The following INPP4A variants were observed in gnomAD, a reference collection of about 807,000 sequenced individuals.
INPP4A encodes the protein inositol polyphosphate-4-phosphatase, type I, 107kD.
INPP4A carries 33 observed loss-of-function variants against 119.8 expected under a neutral mutation model. The observed-to-expected ratio is 0.28, with a 90% CI of 0.21 to 0.37. The LOEUF (loss-of-function observed/expected upper bound fraction) is 0.37. Among genes scored for constraint, INPP4A ranks in the 10% least tolerant of loss-of-function variants. The pLI, the probability that INPP4A is intolerant of heterozygous loss-of-function variation, is 1.00. For synonymous variants in INPP4A, 496 were observed against 500.7 expected (o/e 0.99, Z 0.12); for missense variants, 956 against 1,289.9 (o/e 0.74, Z 3.97).
chr2:98,484,308 C>A (rs1679108402), intron 1 of INPP4A, among the ~76,000 whole-genome samples: 1 of 152,196 alleles, frequency 6.6e-6, no homozygotes, highest in Non-Finnish European at 1.5e-5. Context: ...CTTATGAACT[C>A]CCATCTCCGT....
At chr2:98,477,637 G>C (rs1677526615) in intron 1 of INPP4A, among the ~76,000 whole-genome samples, 1 of 152,230 alleles carries the variant, frequency 6.6e-6, no homozygotes, top group Non-Finnish European at 1.5e-5. Flanking sequence ...CTCTCTTTGT[G>C]AGTGAACAAG....
intron 1 of INPP4A, among the ~76,000 whole-genome samples, chr2:98,459,272 C>T (rs1053125303): frequency 6.6e-6 from 1 of 152,170 alleles, no homozygotes; most frequent in Non-Finnish European, 1.5e-5. Flanking sequence ...CCTGGTTTCC[C>T]GCCCACTCCT....
At chr2:98,486,372 T>G (rs1453779858) in intron 1 of INPP4A, among the ~76,000 whole-genome samples, 6 of 152,372 alleles carry the variant, frequency 3.9e-5, no homozygotes, top group African/African-American at 1.4e-4. Context: ...TGTGCTTCCC[T>G]GTCCTCTCTG....
In INPP4A at chr2:98,587,811, T is replaced by G. The variant is rs1237794035; in HGVS notation, c.*203T>G. 1 of 484,976 alleles carries G rather than the reference T, an allele frequency of 2.1e-6. No homozygotes were observed. Among genetic ancestry groups the G allele is most frequent in the Non-Finnish European group, 3.6e-6 (1 of 279,712 alleles). 30.0% of individuals were successfully genotyped at this position (484,976 alleles called of 1,614,324 possible). On this transcript the variant is annotated 3_prime_UTR_variant, in exon 25 of 25. Transcript: ENST00000409851. ...CATTGGAATCAATAGGAGGTAATGTTTGGCTCAATAGTGTGGATAGTAACA... is the reference window on the plus strand; with the variant it reads ...CATTGGAATCAATAGGAGGTAATGTGTGGCTCAATAGTGTGGATAGTAACA...
At chr2:98,575,693 A>G (rs1177277380) in intron 23 of INPP4A, among the ~76,000 whole-genome samples, 1 of 150,990 alleles carries the variant, frequency 6.6e-6, no homozygotes, top group African/African-American at 2.5e-5. Flanking sequence ...AGTGACTGGC[A>G]TGCTCTTTGG....
At chr2:98,576,603 A>G (rs934856409) in intron 23 of INPP4A, among the ~76,000 whole-genome samples, 1 of 152,108 alleles carries the variant, frequency 6.6e-6, no homozygotes, top group Non-Finnish European at 1.5e-5. Context: ...CCAGTGGGTC[A>G]TATTTGCCGC....
chr2:98,581,853 A>G (rs1376450860), intron 24 of INPP4A: 1 of 1,464,638 alleles, frequency 6.8e-7, no homozygotes, highest in African/African-American at 1.4e-5. Context: ...AATGTGTCAA[A>G]CCGTGGTCTG....
At chr2:98,450,513 C>CAGCT (rs1428728356) in intron 1 of INPP4A, among the ~76,000 whole-genome samples, 1 of 152,206 alleles carries the variant, frequency 6.6e-6, no homozygotes, top group African/African-American at 2.4e-5. Context: ...TGTGAGCATC[C>CAGCT]AGCTAGCTGT....
chr2:98,544,990 A>G (rs1410973744), intron 11 of INPP4A, among the ~76,000 whole-genome samples: 1 of 152,224 alleles, frequency 6.6e-6, no homozygotes, highest in Non-Finnish European at 1.5e-5. Context: ...CACAACCTTG[A>G]GTTTTCTAGA....
intron 10 of INPP4A, among the ~76,000 whole-genome samples, chr2:98,543,064 C>T (rs937553798): frequency 8.5e-5 from 13 of 152,092 alleles, no homozygotes; most frequent in Admixed American, 7.2e-4. Context: ...GGACTACAGG[C>T]GCCCACCACC....
At chr2:98,582,001 C>T (rs1699375914) in intron 24 of INPP4A, among the ~76,000 whole-genome samples, 1 of 152,184 alleles carries the variant, frequency 6.6e-6, no homozygotes, top group African/African-American at 2.4e-5. Context: ...TCTTACGGTG[C>T]CCTGTCACTG....
chr2:98,471,589 C>T (rs769960758), intron 1 of INPP4A, among the ~76,000 whole-genome samples: 2 of 152,176 alleles, frequency 1.3e-5, no homozygotes, highest in Non-Finnish European at 2.9e-5. Flanking sequence ...TCAGGTTGAG[C>T]GCTCAGGAAC....
At chr2:98,581,170 C>T (rs1343426696) in intron 24 of INPP4A, among the ~76,000 whole-genome samples, 1 of 152,220 alleles carries the variant, frequency 6.6e-6, no homozygotes, top group Admixed American at 6.5e-5. Flanking sequence ...TCATGTTCCG[C>T]TTGCTTCTCA....
In INPP4A at chr2:98,588,274, T is replaced by A. The variant is rs373018601; in HGVS notation, c.*666T>A. 1 of 205,798 alleles carries A rather than the reference T, an allele frequency of 4.9e-6. No homozygotes were observed. The highest frequency in any genetic ancestry group is 7.4e-5 in the East Asian group (1 of 13,466). The allele number at this position is 205,798 out of a possible 1,614,324, so 12.7% of individuals were successfully genotyped here. Reference sequence around the variant, plus strand: ...GGGCCACTCTTTTTTCTGTCCCTTATGAGTTACAGAACAGGGAGTCTGCTG... The same window carrying A: ...GGGCCACTCTTTTTTCTGTCCCTTAAGAGTTACAGAACAGGGAGTCTGCTG... On this transcript the variant is annotated 3_prime_UTR_variant, in exon 25 of 25. Transcript: ENST00000409851.
chr2:98,512,588 C>T (rs1310146207), intron 1 of INPP4A, among the ~76,000 whole-genome samples: 3 of 152,174 alleles, frequency 2.0e-5, no homozygotes, highest in South Asian at 2.1e-4. Flanking sequence ...GAGAGGAAAT[C>T]GGGCTAAACT....
intron 1 of INPP4A, among the ~76,000 whole-genome samples, chr2:98,475,994 G>A (rs1173301403): frequency 1.3e-5 from 2 of 152,186 alleles, no homozygotes; most frequent in African/African-American, 4.8e-5. Context: ...ATTTGATGCA[G>A]AATTTTACTG....
At chr2:98,508,149 T>G (rs1684443532) in intron 1 of INPP4A, among the ~76,000 whole-genome samples, 1 of 152,158 alleles carries the variant, frequency 6.6e-6, no homozygotes, top group Non-Finnish European at 1.5e-5. Context: ...AGAGCTCGGG[T>G]TAGAGGCTGT....
intron 1 of INPP4A, among the ~76,000 whole-genome samples, chr2:98,502,676 C>G (rs923928437): frequency 6.6e-6 from 1 of 152,114 alleles, no homozygotes; most frequent in African/African-American, 2.4e-5. Flanking sequence ...TTAGCATTTT[C>G]CATGGAAACA....
At chr2:98,508,747 C>T (rs1684561147) in intron 1 of INPP4A, among the ~76,000 whole-genome samples, 1 of 152,188 alleles carries the variant, frequency 6.6e-6, no homozygotes, top group Admixed American at 6.5e-5. Context: ...TGTCAAAGTC[C>T]TTGCCTGTTG....
Sources: gnomAD v4.1 joint callset for allele counts (sites outside exome capture counted in the v4.1 genomes callset) on GRCh38, gnomAD v4.1.1 for gene constraint, MANE v1.5 for transcripts, NCBI Gene and HGNC (gene_info 2026-07-23, HGNC 2026-07-21) for gene names.